Variants in PRKCH observed in about 807,000 individuals in gnomAD.
PRKCH encodes protein kinase C eta, also known as protein kinase C eta type.
PRKCH carries 28 observed loss-of-function variants against 82.5 expected under a neutral mutation model. That is an observed-to-expected ratio of 0.34 (90% CI 0.25 to 0.47). The LOEUF is 0.47. Among genes scored for constraint, PRKCH ranks in the 20% least tolerant of loss-of-function variants. PRKCH has a pLI of 1.00. For missense variants in PRKCH, 705 were observed against 881.8 expected, an observed-to-expected ratio of 0.80 and a Z score of 2.54; for synonymous variants, 322 against 327.4, an observed-to-expected ratio of 0.98 and a Z score of 0.18.
At chr14:61,216,554 G>A (rs1306860511) in intron 1 of PRKCH, among the ~76,000 whole-genome samples, 2 of 152,200 alleles carry the variant, frequency 1.3e-5, no homozygotes. Context: ...TGGACAGAAG[G>A]ACAGAGATGT....
In PRKCH at chr14:61,431,360, A is replaced by G. The variant is rs752691201; in HGVS notation, c.428-11751A>G. 2.3e-4 allele frequency among the ~76,000 whole-genome samples: 35 copies of G among 152,226 alleles called. 1 individual carries two copies. Among genetic ancestry groups the G allele is most frequent in the Non-Finnish European group, 4.4e-4 (30 of 68,022 alleles). ...AAAAATCCCAAGTCAAGCGTCGGAC[A>G]GGGTCCTCGGATCTCTCAAATTGCC... is the stretch of plus-strand genomic sequence containing the variant. On this transcript the variant is annotated intron_variant, in intron 2 of 13. Transcript: ENST00000332981.
In PRKCH at chr14:61,549,998, T is replaced by A; in HGVS notation, c.*167T>A. On this transcript the variant is annotated 3_prime_UTR_variant, in exon 14 of 14. Transcript: ENST00000332981. ...ATGGAACTTTCAGATATCAACTATT[T>A]AGAGTCCAGAGGGAGCCATGGCACT... The A allele has an allele frequency of 1.5e-6, 1 of 687,308 alleles. No individual in the cohort carries two copies. Among genetic ancestry groups the A allele is most frequent in the Non-Finnish European group, 2.4e-6 (1 of 424,806 alleles). 42.6% of individuals were successfully genotyped at this position (687,308 alleles called of 1,614,324 possible).
At chr14:61,544,812 C>T (rs1421079152) in intron 12 of PRKCH, 1 of 152,282 alleles carries the variant, frequency 6.6e-6, no homozygotes, top group Non-Finnish European at 1.5e-5. Context: ...ACCACTGCCC[C>T]ATCAGGCAGC....
chr14:61,471,183 G>T (rs1885486319), intron 9 of PRKCH, among the ~76,000 whole-genome samples: 1 of 152,240 alleles, frequency 6.6e-6, no homozygotes. Context: ...GTGGCCCATG[G>T]ACCTGCCTGC....
chr14:61,248,094 A>G (rs2044904133), intron 1 of PRKCH, among the ~76,000 whole-genome samples: 1 of 152,210 alleles, frequency 6.6e-6, no homozygotes, highest in Non-Finnish European at 1.5e-5. Flanking sequence ...AAATGAGTCA[A>G]ACATACCTCA....
chr14:61,389,399 G>A (rs919041407), intron 1 of PRKCH, among the ~76,000 whole-genome samples: 7 of 151,978 alleles, frequency 4.6e-5, no homozygotes, highest in African/African-American at 1.2e-4. Flanking sequence ...TGTTAGAAAC[G>A]CTAGGCCAAT....
At chr14:61,509,627 G>A (rs1012537409) in intron 10 of PRKCH, among the ~76,000 whole-genome samples, 10 of 152,192 alleles carry the variant, frequency 6.6e-5, no homozygotes, top group Admixed American at 4.6e-4. Context: ...GCTCACGCCT[G>A]TAATCCCAGT....
intron 1 of PRKCH, among the ~76,000 whole-genome samples, chr14:61,287,955 T>C (rs2045329515): frequency 6.6e-6 from 1 of 152,236 alleles, no homozygotes; most frequent in African/African-American, 2.4e-5. Context: ...ATAGTGACTA[T>C]ATCTGTTTGA....
chr14:61,362,340 T>TA (rs10591516), intron 1 of PRKCH, among the ~76,000 whole-genome samples: 1,766 of 125,484 alleles, frequency 0.014, 15 homozygotes, highest in African/African-American at 0.021. Flanking sequence ...CATCTTGTCT[T>TA]AAAAAAAAAA....
At chr14:61,439,472 C>T (rs572600876) in intron 2 of PRKCH, among the ~76,000 whole-genome samples, 7 of 152,230 alleles carry the variant, frequency 4.6e-5, no homozygotes, top group East Asian at 1.9e-4. Flanking sequence ...ACGAAGCACA[C>T]GTGCAAAATA....
chr14:61,363,399 C>G (rs2046256240), intron 1 of PRKCH, among the ~76,000 whole-genome samples: 1 of 152,040 alleles, frequency 6.6e-6, no homozygotes, highest in Admixed American at 6.5e-5. Context: ...TGTAAGAAAG[C>G]AGTGAAAGTC....
At chr14:61,293,615 G>A (rs1237602479) in intron 1 of PRKCH, among the ~76,000 whole-genome samples, 1 of 152,142 alleles carries the variant, frequency 6.6e-6, no homozygotes, top group Non-Finnish European at 1.5e-5. Flanking sequence ...AAAAATCAGA[G>A]CTATTTATTA....
At chr14:61,191,582 G>A (rs1490163080) in intron 1 of PRKCH, among the ~76,000 whole-genome samples, 5 of 152,064 alleles carry the variant, frequency 3.3e-5, no homozygotes. Context: ...CTGAGGCAGG[G>A]GAATCTCTTG....
At chr14:61,445,040 G>C (rs1227034666) in intron 3 of PRKCH, among the ~76,000 whole-genome samples, 2 of 152,206 alleles carry the variant, frequency 1.3e-5, no homozygotes, top group Admixed American at 6.5e-5. Context: ...GTATATATCA[G>C]CTGCTTGGTT....
chr14:61,546,158 C>A (rs148025713), intron 12 of PRKCH, among the ~76,000 whole-genome samples: 78 of 152,360 alleles, frequency 5.1e-4, no homozygotes, highest in Middle Eastern at 3.4e-3. Flanking sequence ...TTCTCCCTTC[C>A]TGCCTGCATT....
At chr14:61,290,537 A>T (rs2045352348) in intron 1 of PRKCH, among the ~76,000 whole-genome samples, 1 of 152,078 alleles carries the variant, frequency 6.6e-6, no homozygotes, top group African/African-American at 2.4e-5. Flanking sequence ...ATGTCTAAGG[A>T]TAGGTTAGAG....
Position 61,470,193 on chromosome 14 carries a change from G to A in PRKCH, c.1278+12514G>A, listed in dbSNP as rs1031720219. Among the ~76,000 whole-genome samples the A allele has an allele frequency of 2.6e-4, 40 of 151,854 alleles. 1 individual carries two copies. Among genetic ancestry groups the A allele is most frequent in the African/African-American group, 9.4e-4 (39 of 41,312 alleles). On this transcript the variant is annotated intron_variant, in intron 9 of 13. Coordinates refer to ENST00000332981, the MANE Select transcript of PRKCH (RefSeq NM_006255.5). ...AGATTACTGGGGGGAGGCGTAGCTC[G>A]AGTCCTTGGTCCTTGGTACTGTCTC... is the stretch of plus-strand genomic sequence containing the variant.
chr14:61,196,516 G>A (rs1293203556), intron 1 of PRKCH, among the ~76,000 whole-genome samples: 1 of 152,160 alleles, frequency 6.6e-6, no homozygotes, highest in Non-Finnish European at 1.5e-5. Flanking sequence ...GAGTCCAGAA[G>A]TACAGGATAG....
chr14:61,488,876 G>T (rs1425973922), intron 10 of PRKCH, among the ~76,000 whole-genome samples: 1 of 152,192 alleles, frequency 6.6e-6, no homozygotes, highest in Non-Finnish European at 1.5e-5. Flanking sequence ...CTGTGGTTCA[G>T]TTCTGAGAAT....
Sources: allele counts gnomAD v4.1 joint callset (sites outside exome capture counted in the v4.1 genomes callset), GRCh38; gene constraint gnomAD v4.1.1; transcripts MANE v1.5; gene names NCBI Gene and HGNC (gene_info 2026-07-23, HGNC 2026-07-21).